GSDMD: variants seen among roughly 807,000 people sequenced by gnomAD.
GSDMD encodes the protein gasdermin D.
Under a neutral mutation model 46.7 loss-of-function variants are expected in GSDMD, and 46 were observed. That is an observed-to-expected ratio of 0.99 (90% confidence interval 0.78 to 1.26). The LOEUF (loss-of-function observed/expected upper bound fraction) is 1.26. GSDMD is among the 50% of genes most tolerant of loss of function. The pLI, the probability that GSDMD is intolerant of heterozygous loss-of-function variation, is 0.00. For synonymous variants in GSDMD, 307 were observed against 283.1 expected (o/e 1.08, Z -0.85); for missense variants, 649 against 638.8 (o/e 1.02, Z -0.17).
rs1305142537 is a variant in GSDMD at position 143,560,640 on chromosome 8, C to A, written c.448C>A (p.Leu150Met). Reference sequence around the variant, plus strand: ...GCCAGAACACAAAGTCCTGCAGCAGCTGCGCAGCCGCGGGGACAACGTGTA... The same window carrying A: ...GCCAGAACACAAAGTCCTGCAGCAGATGCGCAGCCGCGGGGACAACGTGTA... ...RQPEHKVLQQ[L>M]RSRGDNVYVV... is the part of the protein sequence containing the mutation. The change falls in exon 4 of 11, where the codon CTG becomes ATG. Residue 150 changes from leucine to methionine, a missense_variant. By Grantham distance (15) the Leu-to-Met change is conservative. Transcript: ENST00000262580. The A allele has an allele frequency of 2.5e-6, 4 of 1,590,990 alleles. No homozygotes were observed. Among genetic ancestry groups the A allele is most frequent in the Admixed American group, 3.5e-5 (2 of 57,250 alleles).
chr8:143,561,984 C>T lies in GSDMD; in HGVS notation c.849C>T (p.Phe283=). 6.2e-7 allele frequency: 1 copy of T among 1,608,108 alleles called. No homozygotes were observed. The highest frequency in any genetic ancestry group is 8.5e-7 in the Non-Finnish European group (1 of 1,178,634). The change falls in exon 8 of 11, where the codon TTC becomes TTT. Residue 283 remains phenylalanine (F), a synonymous_variant. Transcript: ENST00000262580. ...ATGGGGTCCCTGCGGAGGGGGCGTT[C>T]ACTGAAGACTTCCAGGGCCTACGGG... is the stretch of plus-strand genomic sequence containing the variant. ...LTDGVPAEGA[F]TEDFQGLRAE...
At chr8:143,561,906 C>A in intron 7 of GSDMD, 53 bp from the exon 8 acceptor site, 1 of 1,606,698 alleles carries the variant, frequency 6.2e-7, no homozygotes, top group Non-Finnish European at 8.5e-7. Flanking sequence ...CTGACCGAGG[C>A]TTTCCAGGGC....
chr8:143,555,399 G>T (rs538252925), upstream of GSDMD, among the ~76,000 whole-genome samples: 2 of 152,238 alleles, frequency 1.3e-5, no homozygotes, highest in African/African-American at 2.4e-5. Flanking sequence ...GACACCTCCA[G>T]CTGGGCTCAG....
Position 143,561,008 on chromosome 8 carries a change from G to A in GSDMD, c.586G>A (p.Gly196Ser). The change falls in exon 5 of 11, where the codon GGC (glycine) becomes AGC (serine). Residue 196 changes from glycine (G) to serine (S), a missense_variant. Coordinates refer to ENST00000262580, the MANE Select transcript of GSDMD (RefSeq NM_024736.7). ...LPGATCLQGE[G>S]QGHLSQKKTV... ...GCCCATCTCCATGCCTCAGGGTGAG[G>A]GCCAGGGCCATCTGAGCCAGAAGAA... 6.2e-7 allele frequency: 1 copy of A among 1,612,684 alleles called. No homozygotes were observed. The highest frequency in any genetic ancestry group is 1.1e-5 in the South Asian group (1 of 91,084).
chr8:143,557,934 G>A (rs781429123), upstream of GSDMD: 17 of 446,086 alleles, frequency 3.8e-5, no homozygotes, highest in East Asian at 7.3e-5. Context: ...TCACTCTGTC[G>A]CCCAGGCTGG....
chr8:143,559,416 C>A lies in GSDMD; in HGVS notation c.81C>A (p.Ser27Arg). 6.2e-7 allele frequency: 1 copy of A among 1,612,960 alleles called. No individual in the cohort carries two copies. Among genetic ancestry groups the A allele is most frequent in the Non-Finnish European group, 8.5e-7 (1 of 1,179,980 alleles). The change falls in exon 2 of 11, where the codon AGC becomes AGA. Residue 27 changes from serine (S) to arginine (R), a missense_variant. Coordinates refer to ENST00000262580, the MANE Select transcript of GSDMD (RefSeq NM_024736.7). ...GTGGGGAGTTCATCCCTGTGACCAG[C>A]CTGCAGAGCTCCACTGGCTTCCAGC... The part of the protein sequence containing the change: ...DHGGEFIPVT[S>R]LQSSTGFQPY...
chr8:143,556,962 C>T (rs1457306986), upstream of GSDMD, among the ~76,000 whole-genome samples: 1 of 152,266 alleles, frequency 6.6e-6, no homozygotes, highest in East Asian at 1.9e-4. Context: ...CAAAACACTT[C>T]CTCACCCCAG....
At chr8:143,558,780 G>C (rs1823373235) in intron 1 of GSDMD, 1 of 603,008 alleles carries the variant, frequency 1.7e-6, no homozygotes, top group Admixed American at 2.2e-5. Flanking sequence ...GGCAGCTGCA[G>C]CCCCTCCACA....
chr8:143,562,033 G>A lies in GSDMD; in HGVS notation c.898G>A (p.Glu300Lys). ...LRAEVETISK[E>K]LELLDRELCQ... ...GGCAGAGGTGGAGACCATCTCCAAG[G>A]AACTGGAGCTTTTGGACAGAGAGCT... The change falls in exon 8 of 11, where the codon GAA becomes AAA. Residue 300 changes from glutamate to lysine, a missense_variant. Glu to Lys is a moderately conservative substitution (Grantham distance 56). Transcript: ENST00000262580. 3 of 1,601,504 alleles carry A rather than the reference G, an allele frequency of 1.9e-6. No individual in the cohort carries two copies. The highest frequency in any genetic ancestry group is 1.3e-5 in the African/African-American group (1 of 74,942).
intron 1 of GSDMD, 52 bp from the exon 2 acceptor site, chr8:143,559,280 T>TTGCCCCCCCC: frequency 1.0e-5 from 6 of 579,426 alleles, no homozygotes; most frequent in Admixed American, 2.7e-5. Context: ...CTTCTCCCAC[T>TTGCCCCCCCC]CCCTCCCGCC....
upstream of GSDMD, chr8:143,553,449 C>G (rs1364174878): frequency 6.8e-6 from 1 of 146,406 alleles, no homozygotes; most frequent in African/African-American, 2.4e-5. Flanking sequence ...ACGTGGTGTT[C>G]CCCAGGCTCT....
chr8:143,562,086 G>C lies in GSDMD; in HGVS notation c.951G>C (p.Glu317Asp). The change falls in exon 8 of 11, where the codon GAG becomes GAC. Residue 317 changes from glutamate (E) to aspartate (D), a missense_variant. Physicochemically the swap from Glu to Asp is conservative, Grantham distance 45. Coordinates refer to ENST00000262580, the MANE Select transcript of GSDMD (RefSeq NM_024736.7). ...ELCQLLLEGL[E>D]GVLRDQLALR... Reference sequence around the variant, plus strand: ...GCCAGCTGCTGCTGGAGGGCCTGGAGGGGGTGCTGCGGGACCAGCTGGCCC... The same window carrying C: ...GCCAGCTGCTGCTGGAGGGCCTGGACGGGGTGCTGCGGGACCAGCTGGCCC... The C allele has an allele frequency of 6.3e-7, 1 of 1,597,032 alleles. No individual in the cohort carries two copies. The highest frequency in any genetic ancestry group is 8.5e-7 in the Non-Finnish European group (1 of 1,177,224).
rs1331499313 is a variant in GSDMD at position 143,558,424 on chromosome 8, C to A, written c.-32C>A. 6.6e-7 allele frequency: 1 copy of A among 1,505,762 alleles called. No individual in the cohort carries two copies. The highest frequency in any genetic ancestry group is 8.8e-7 in the Non-Finnish European group (1 of 1,133,898). The allele number at this position is 1,505,762 out of a possible 1,614,324, so 93.3% of individuals were successfully genotyped here. A position where few individuals can be genotyped will look rare whatever the true frequency, so the allele number is the denominator to read the frequency against. ...CCAGGGAGAGCAGACGCGCCAGACGCGCCACCCTCGGGGCGCCGACGGTCA... is the reference window on the plus strand; with the variant it reads ...CCAGGGAGAGCAGACGCGCCAGACGAGCCACCCTCGGGGCGCCGACGGTCA... On this transcript the variant is annotated 5_prime_UTR_variant, in exon 1 of 11. Coordinates refer to ENST00000262580, the MANE Select transcript of GSDMD (RefSeq NM_024736.7).
At position 143,561,976 on chromosome 8, in the gene GSDMD, G is replaced by A. The variant is rs1823472562; in HGVS notation, c.841G>A (p.Gly281Arg). 6.2e-7 allele frequency: 1 copy of A among 1,608,490 alleles called. No homozygotes were observed. The highest frequency in any genetic ancestry group is 1.3e-5 in the African/African-American group (1 of 74,860). The part of the protein sequence containing the change: ...NFLTDGVPAE[G>R]AFTEDFQGLR... ...CCCTACAGATGGGGTCCCTGCGGAG[G>A]GGGCGTTCACTGAAGACTTCCAGGG... is the stretch of plus-strand genomic sequence containing the variant. Residue 281 changes from glycine to arginine, a missense_variant, in exon 8 of 11, where the codon GGG (glycine) becomes AGG (arginine). Coordinates refer to ENST00000262580, the MANE Select transcript of GSDMD (RefSeq NM_024736.7).
upstream of GSDMD, among the ~76,000 whole-genome samples, chr8:143,557,091 G>A (rs1823311663): frequency 6.6e-6 from 1 of 152,246 alleles, no homozygotes; most frequent in Non-Finnish European, 1.5e-5. Flanking sequence ...GCAGGATCAC[G>A]CCGTCCGCTC....
Position 143,560,734 on chromosome 8 carries a change from CG to C in GSDMD, c.545del (p.Gly182AlafsTer19). The C allele has an allele frequency of 6.4e-7, 1 of 1,563,716 alleles. No individual in the cohort carries two copies. Among genetic ancestry groups the C allele is most frequent in the Non-Finnish European group, 8.7e-7 (1 of 1,154,308 alleles). ...EVTRTHKREG[S>X]GRFSLPGATC... ...ACGCGCACCCACAAGCGGGAGGGCT[CG>C]GGCCGGTTTTCCCTGCCCGGAGCCA... On this transcript the variant is annotated frameshift_variant, in exon 4 of 11. Transcript: ENST00000262580. LOFTEE classifies it high-confidence loss of function.
At chr8:143,554,797 C>T (rs562946922), upstream of GSDMD, among the ~76,000 whole-genome samples, 28 of 152,346 alleles carry the variant, frequency 1.8e-4, no homozygotes, top group African/African-American at 5.8e-4. Context: ...CATACACACG[C>T]GCACAAACGC....
At chr8:143,557,421 C>CTGCCGCTATGAT (rs1563902892), upstream of GSDMD, among the ~76,000 whole-genome samples, 4 of 128,430 alleles carry the variant, frequency 3.1e-5, no homozygotes, top group Admixed American at 7.7e-5. Context: ...GCCGCTGTGG[C>CTGCCGCTATGAT]GAAGGATGCT....
upstream of GSDMD, among the ~76,000 whole-genome samples, chr8:143,555,488 C>T (rs1162861647): frequency 2.0e-5 from 3 of 152,198 alleles, no homozygotes; most frequent in Admixed American, 2.0e-4. Flanking sequence ...GACCTTGACC[C>T]CTCGGGAGTG....
Sources: gnomAD v4.1 joint callset for allele counts (sites outside exome capture counted in the v4.1 genomes callset) on GRCh38, gnomAD v4.1.1 for gene constraint, MANE v1.5 for transcripts, NCBI Gene and HGNC (gene_info 2026-07-23, HGNC 2026-07-21) for gene names.